ADGRV1: variants seen among roughly 807,000 people sequenced by gnomAD.
ADGRV1 encodes the protein G-protein coupled receptor 98.
ADGRV1 carries 359 observed loss-of-function variants against 596.2 expected under a neutral mutation model. That is an observed-to-expected ratio of 0.60 (90% CI 0.55 to 0.66). The LOEUF (loss-of-function observed/expected upper bound fraction) is 0.66. Among genes scored for constraint, ADGRV1 ranks in the 30% least tolerant of loss-of-function variants. The pLI is 0.00. For synonymous variants in ADGRV1, 2,681 were observed against 2,679.2 expected, an observed-to-expected ratio of 1.00 and a Z score of -0.02; for missense variants, 7,274 against 7,575.6, an observed-to-expected ratio of 0.96 and a Z score of 1.48.
chr5:90,780,566 GA>G (rs766685837), intron 64 of ADGRV1, among the ~76,000 whole-genome samples: 1 of 152,166 alleles, frequency 6.6e-6, no homozygotes, highest in Non-Finnish European at 1.5e-5. Context: ...TCTAAAAAAA[GA>G]CTTCTTTTGC....
Position 90,829,206 on chromosome 5 carries a change from A to G in ADGRV1, c.16611+20A>G, listed in dbSNP as rs777394829. On this transcript the variant is annotated intron_variant, in intron 77 of 89. Coordinates refer to ENST00000405460, the MANE Select transcript of ADGRV1 (RefSeq NM_032119.4). ...ACCCAGGTAAGCATGGAATATATAT[A>G]TTCATACACGTTATGGTTTTCTTCT... 3 of 1,437,810 alleles carry G rather than the reference A, an allele frequency of 2.1e-6. No individual in the cohort carries two copies. The highest frequency in any genetic ancestry group is 3.6e-5 in the South Asian group (2 of 55,812). 89.1% of individuals were successfully genotyped at this position (1,437,810 alleles called of 1,614,324 possible).
rs1749265204 is a variant in ADGRV1, at chr5:90,710,997, T to C, written c.8841T>C (p.Thr2947=). ...FPPRLDSEGL[T]AQVIIDANDG... Reference sequence around the variant, plus strand: ...TTTTTTAAGATTCAGAAGGTTTGACTGCACAAGTTATTATTGATGCCAATG... The same window carrying C: ...TTTTTTAAGATTCAGAAGGTTTGACCGCACAAGTTATTATTGATGCCAATG... The change falls in exon 40 of 90, where the codon ACT becomes ACC. Residue 2947 remains threonine (T), a synonymous_variant. Coordinates refer to ENST00000405460, the MANE Select transcript of ADGRV1 (RefSeq NM_032119.4). 2 of 1,608,028 alleles carry C rather than the reference T, an allele frequency of 1.2e-6. No individual in the cohort carries two copies. The highest frequency in any genetic ancestry group is 2.7e-5 in the African/African-American group (2 of 74,826).
At chr5:91,008,094 T>C (rs1354363262) in intron 85 of ADGRV1, among the ~76,000 whole-genome samples, 1 of 152,218 alleles carries the variant, frequency 6.6e-6, no homozygotes, top group Admixed American at 6.5e-5. Context: ...TTAGAAGATA[T>C]CTTACAGTCA....
intron 85 of ADGRV1, among the ~76,000 whole-genome samples, chr5:90,987,413 T>C (rs1031920787): frequency 6.4e-5 from 9 of 141,706 alleles, no homozygotes; most frequent in African/African-American, 2.4e-4. Flanking sequence ...GAAGTTGCAG[T>C]GAGCCAAGAT....
At chr5:91,026,907 C>T (rs1444994795) in intron 85 of ADGRV1, among the ~76,000 whole-genome samples, 6 of 151,820 alleles carry the variant, frequency 4.0e-5, no homozygotes, top group South Asian at 2.1e-4. Context: ...TTTGGGAAGC[C>T]GAGGCAGGCA....
intron 86 of ADGRV1, among the ~76,000 whole-genome samples, chr5:91,081,177 T>C (rs145231182): frequency 1.3e-3 from 196 of 152,212 alleles, no homozygotes; most frequent in African/African-American, 4.3e-3. Flanking sequence ...TGTCTCTTCT[T>C]ATAAGGACAC....
At chr5:90,647,426 A>G in intron 16 of ADGRV1, 72 bp from the exon 17 acceptor site, 1 of 1,482,448 alleles carries the variant, frequency 6.7e-7, no homozygotes. Flanking sequence ...GGCAGGGAGA[A>G]GCACAATGTG....
At chr5:90,588,560 A>G (rs1759074057) in intron 1 of ADGRV1, among the ~76,000 whole-genome samples, 1 of 152,230 alleles carries the variant, frequency 6.6e-6, no homozygotes, top group Non-Finnish European at 1.5e-5. Flanking sequence ...GATACGTCCC[A>G]TGACGTAGAG....
chr5:91,062,742 C>T (rs1295509917), intron 85 of ADGRV1, among the ~76,000 whole-genome samples: 2 of 152,096 alleles, frequency 1.3e-5, no homozygotes, highest in East Asian at 3.9e-4. Flanking sequence ...TCACAGATCT[C>T]TGTTTTTCTA....
chr5:91,152,099 C>T (rs569916269), intron 88 of ADGRV1, among the ~76,000 whole-genome samples: 3 of 152,132 alleles, frequency 2.0e-5, no homozygotes, highest in Non-Finnish European at 4.4e-5. Flanking sequence ...GGGTGTTGTG[C>T]AACAGGAGAG....
In ADGRV1 at chr5:90,804,413, A is replaced by AT. The variant is rs547842311; in HGVS notation, c.14662-871_14662-870insT. 2.6e-3 allele frequency among the ~76,000 whole-genome samples: 399 copies of AT among 152,050 alleles called. 1 individual carries two copies. Among genetic ancestry groups the AT allele is most frequent in the African/African-American group, 9.3e-3 (385 of 41,498 alleles). On this transcript the variant is annotated intron_variant, in intron 71 of 89. Coordinates refer to ENST00000405460, the MANE Select transcript of ADGRV1 (RefSeq NM_032119.4). ...CGACGCTCTGTCTCAAGAAAAAAAAAAGAAGAAAAAGAGAAGCCTCACTGT... is the reference window on the plus strand; with the variant it reads ...CGACGCTCTGTCTCAAGAAAAAAAAATAGAAGAAAAAGAGAAGCCTCACTGT...
intron 83 of ADGRV1, among the ~76,000 whole-genome samples, chr5:90,871,577 T>C (rs985079359): frequency 1.3e-5 from 2 of 152,242 alleles, no homozygotes; most frequent in African/African-American, 4.8e-5. Context: ...GTTTGCAACA[T>C]AGCTTTCGTT....
chr5:91,040,084 G>C (rs1785219325), intron 85 of ADGRV1, among the ~76,000 whole-genome samples: 1 of 152,094 alleles, frequency 6.6e-6, no homozygotes, highest in Non-Finnish European at 1.5e-5. Flanking sequence ...AGCCCTTTGA[G>C]GAGGATAAAA....
chr5:90,741,806 T>C (rs2149892490), intron 50 of ADGRV1, among the ~76,000 whole-genome samples: 1 of 152,326 alleles, frequency 6.6e-6, no homozygotes, highest in East Asian at 1.9e-4. Flanking sequence ...ATAGATCTCC[T>C]GAAAGCTGAA....
rs1327076792 is a variant in ADGRV1, at chr5:90,637,935, C to CT, written c.2230dup (p.Ser744PhefsTer6). 1.9e-6 allele frequency: 3 copies of CT among 1,610,258 alleles called. No individual in the cohort carries two copies. In the African/African-American group the frequency reaches 4.0e-5, roughly 22 times the overall value. On this transcript the variant is annotated frameshift_variant, in exon 11 of 90. Coordinates refer to ENST00000405460, the MANE Select transcript of ADGRV1 (RefSeq NM_032119.4). LOFTEE classifies it high-confidence loss of function. ...ACCGGAAATGAATGAAACTGTAACA[C>CT]TTTCTCTAGACAGGTAATAACCCAT...
chr5:90,860,374 C>A (rs1327680230), intron 82 of ADGRV1, among the ~76,000 whole-genome samples: 2 of 151,752 alleles, frequency 1.3e-5, no homozygotes, highest in African/African-American at 4.8e-5. Context: ...GATCTCAGTT[C>A]ATTGTAACCT....
chr5:90,937,967 T>C (rs1581575450), intron 83 of ADGRV1, among the ~76,000 whole-genome samples: 1 of 152,236 alleles, frequency 6.6e-6, no homozygotes, highest in East Asian at 1.9e-4. Context: ...TATGTTCAAA[T>C]TGTTGATTTT....
chr5:90,928,867 G>C (rs1774851403), intron 83 of ADGRV1, among the ~76,000 whole-genome samples: 2 of 148,036 alleles, frequency 1.4e-5, no homozygotes, highest in South Asian at 2.2e-4. Flanking sequence ...ACCCTCAGCT[G>C]CAGGTCTGTT....
At chr5:90,981,211 G>C (rs1013418987) in intron 84 of ADGRV1, among the ~76,000 whole-genome samples, 9 of 152,110 alleles carry the variant, frequency 5.9e-5, no homozygotes, top group African/African-American at 2.2e-4. Context: ...AGCAGAAGTG[G>C]GAAGACTCAA....
Sources: gnomAD v4.1 joint callset for allele counts (sites outside exome capture counted in the v4.1 genomes callset) on GRCh38, gnomAD v4.1.1 for gene constraint, MANE v1.5 for transcripts, NCBI Gene and HGNC (gene_info 2026-07-23, HGNC 2026-07-21) for gene names.